Variants in SHISA9 observed in about 807,000 individuals in gnomAD.
SHISA9 encodes shisa family member 9.
In SHISA9, 13 loss-of-function variants were observed where a neutral mutation model predicts 38.0. The observed-to-expected ratio is 0.34, with a 90% CI of 0.22 to 0.54. The LOEUF (loss-of-function observed/expected upper bound fraction) is 0.54, where lower values mean the gene tolerates loss of function less well. SHISA9 is among the 20% of genes least tolerant of loss of function. SHISA9 has a pLI of 0.91. For missense variants in SHISA9, 538 were observed against 575.8 expected, an observed-to-expected ratio of 0.93 and a Z score of 0.67; for synonymous variants, 275 against 242.0, an observed-to-expected ratio of 1.14 and a Z score of -1.27.
intron 2 of SHISA9, among the ~76,000 whole-genome samples, chr16:13,113,838 C>T (rs886146583): frequency 1.3e-5 from 2 of 152,184 alleles, no homozygotes; most frequent in East Asian, 1.9e-4. Context: ...TTTTGGTAAT[C>T]GTCAAGAGGA....
chr16:13,141,235 C>T (rs2050399060), intron 2 of SHISA9, among the ~76,000 whole-genome samples: 1 of 151,892 alleles, frequency 6.6e-6, no homozygotes. Context: ...TTTTTTCTAC[C>T]ATGGTGATAA....
the SHISA9 span, among the ~76,000 whole-genome samples, chr16:13,444,900 C>G: frequency 1.9e-4 from 29 of 150,498 alleles, no homozygotes; most frequent in East Asian, 5.7e-3. Context: ...TCACTGCAAC[C>G]TCTGCCCCCC....
chr16:13,093,601 G>A (rs2073797001), intron 2 of SHISA9, among the ~76,000 whole-genome samples: 2 of 152,158 alleles, frequency 1.3e-5, no homozygotes, highest in Admixed American at 1.3e-4. Flanking sequence ...CCCAGAGAAA[G>A]CCAGGTCTCT....
At chr16:13,437,594 C>A in the SHISA9 span, among the ~76,000 whole-genome samples, 3 of 152,138 alleles carry the variant, frequency 2.0e-5, no homozygotes, top group Non-Finnish European at 2.9e-5. Flanking sequence ...CCTCCCAAGC[C>A]ATAAACAACT....
chr16:12,988,153 G>A (rs984770463), intron 2 of SHISA9, among the ~76,000 whole-genome samples: 9 of 152,190 alleles, frequency 5.9e-5, no homozygotes, highest in African/African-American at 2.2e-4. Context: ...CAGTCCAGAT[G>A]GACCACAACA....
intron 2 of SHISA9, among the ~76,000 whole-genome samples, chr16:12,935,431 G>T (rs1042617995): frequency 1.3e-5 from 2 of 152,142 alleles, no homozygotes; most frequent in Non-Finnish European, 2.9e-5. Context: ...CTCCTTATCT[G>T]TGGGCGTGTG....
intron 2 of SHISA9, among the ~76,000 whole-genome samples, chr16:13,090,108 A>G (rs2073758025): frequency 6.6e-6 from 1 of 152,122 alleles, no homozygotes; most frequent in African/African-American, 2.4e-5. Context: ...GTAGTTGTGC[A>G]GTTTTGAGTG....
At chr16:13,511,211 T>C in the SHISA9 span, among the ~76,000 whole-genome samples, 1,521 of 152,282 alleles carry the variant, frequency 1.0e-2, 14 homozygotes, top group Middle Eastern at 0.061. Flanking sequence ...CATAAATTCT[T>C]TGGGGAAATT....
At chr16:13,126,779 GGAAA>G (rs1444511802) in intron 2 of SHISA9, among the ~76,000 whole-genome samples, 3 of 143,280 alleles carry the variant, frequency 2.1e-5, no homozygotes, top group Admixed American at 6.9e-5. Flanking sequence ...GAGAGCTGAG[GGAAA>G]GAAAGAGACT....
At chr16:13,197,670 A>T (rs906154078) in intron 2 of SHISA9, 3 of 152,234 alleles carry the variant, frequency 2.0e-5, no homozygotes, top group African/African-American at 7.2e-5. Flanking sequence ...ATGGAAAAAC[A>T]GCATCACAGA....
chr16:13,231,181 A>G (rs904387979), intron 4 of SHISA9, among the ~76,000 whole-genome samples: 1 of 152,146 alleles, frequency 6.6e-6, no homozygotes, highest in Admixed American at 6.5e-5. Flanking sequence ...CATGAAGTCA[A>G]CCATTGCTCC....
the SHISA9 span, among the ~76,000 whole-genome samples, chr16:13,469,385 G>GA: frequency 1.3e-3 from 116 of 91,276 alleles, no homozygotes; most frequent in African/African-American, 3.2e-3. Context: ...AAGAAAGAAA[G>GA]AAAGAAAGAA....
the SHISA9 span, among the ~76,000 whole-genome samples, chr16:13,463,477 G>A: frequency 6.6e-6 from 1 of 152,150 alleles, no homozygotes; most frequent in Non-Finnish European, 1.5e-5. Context: ...GAGTTGCTCG[G>A]GAGCTCTGTT....
the SHISA9 span, among the ~76,000 whole-genome samples, chr16:13,432,775 G>A: frequency 6.6e-6 from 1 of 152,150 alleles, no homozygotes; most frequent in Non-Finnish European, 1.5e-5. Context: ...GGACATGGAT[G>A]AAGCTGGAGG....
chr16:12,997,969 G>A (rs943783401), intron 2 of SHISA9, among the ~76,000 whole-genome samples: 4 of 152,230 alleles, frequency 2.6e-5, no homozygotes, highest in African/African-American at 9.6e-5. Flanking sequence ...TAATAGGATA[G>A]AATGCATTGT....
At chr16:13,185,860 G>C (rs977130619) in intron 2 of SHISA9, among the ~76,000 whole-genome samples, 1 of 152,194 alleles carries the variant, frequency 6.6e-6, no homozygotes, top group Non-Finnish European at 1.5e-5. Flanking sequence ...CATTTTCAGA[G>C]GAAAATAAAA....
intron 2 of SHISA9, among the ~76,000 whole-genome samples, chr16:13,190,258 G>C (rs1462744199): frequency 7.3e-6 from 1 of 136,252 alleles, no homozygotes; most frequent in African/African-American, 2.8e-5. Context: ...AGTCCCCAGA[G>C]TGTGATATTC....
the SHISA9 span, among the ~76,000 whole-genome samples, chr16:13,547,685 C>G: frequency 1.3e-5 from 2 of 152,104 alleles, no homozygotes; most frequent in Non-Finnish European, 1.5e-5. Flanking sequence ...AAATTCTAAT[C>G]TCTTTTGGAA....
At chr16:13,135,683 A>G (rs960612310) in intron 2 of SHISA9, among the ~76,000 whole-genome samples, 34 of 152,210 alleles carry the variant, frequency 2.2e-4, no homozygotes, top group African/African-American at 8.2e-4. Flanking sequence ...TGGAGAACTC[A>G]ATCTTTGACC....
Sources: allele counts gnomAD v4.1 joint callset (sites outside exome capture counted in the v4.1 genomes callset), GRCh38; gene constraint gnomAD v4.1.1; transcripts MANE v1.5; gene names NCBI Gene and HGNC (gene_info 2026-07-23, HGNC 2026-07-21).